The following CLASRP variants were observed in gnomAD, a reference collection of about 807,000 sequenced individuals.
The protein encoded by CLASRP is CLK4-associating serine/arginine rich protein.
Under a neutral mutation model 99.9 loss-of-function variants are expected in CLASRP, and 52 were observed. The observed-to-expected ratio is 0.52, with a 90% CI of 0.42 to 0.66. The LOEUF (loss-of-function observed/expected upper bound fraction) is 0.66, where lower values mean the gene tolerates loss of function less well. Ranked by LOEUF, CLASRP falls within the 30% of genes least tolerant of loss-of-function variation. The pLI is 0.00. For missense variants in CLASRP, 848 were observed against 999.2 expected, an observed-to-expected ratio of 0.85 and a Z score of 2.04; for synonymous variants, 379 against 373.0, an observed-to-expected ratio of 1.02 and a Z score of -0.18.
chr19:45,060,242 G>A lies in CLASRP; in HGVS notation c.711-147G>A, dbSNP rs1443642305. 1 of 681,214 alleles carries A rather than the reference G, an allele frequency of 1.5e-6. No homozygotes were observed. The highest frequency in any genetic ancestry group is 2.7e-6 in the Non-Finnish European group (1 of 376,780). The allele number at this position is 681,214 out of a possible 1,614,324, so 42.2% of individuals were successfully genotyped here. A position where few individuals can be genotyped will look rare whatever the true frequency, so the allele number is the denominator to read the frequency against. ...TAAGATAGCACCTGGCACACAGAGG[G>A]TGCTTGATAAGTGGCATTGAATGAA... On this transcript the variant is annotated intron_variant, in intron 8 of 20. Coordinates refer to ENST00000221455, the MANE Select transcript of CLASRP (RefSeq NM_007056.3). The surrounding 1 kb of genome is among the most constrained non-coding windows in gnomAD (Gnocchi z 4.6).
At chr19:45,054,099 T>C (rs1972077192) in intron 5 of CLASRP, among the ~76,000 whole-genome samples, 2 of 152,266 alleles carry the variant, frequency 1.3e-5, no homozygotes, top group African/African-American at 4.8e-5. Context: ...ATTGTCATTT[T>C]CCAAATGAGG....
chr19:45,062,190 T>C lies in CLASRP; in HGVS notation c.900T>C (p.Tyr300=), dbSNP rs1201208404. 2 of 1,524,482 alleles carry C rather than the reference T, an allele frequency of 1.3e-6. No individual in the cohort carries two copies. The highest frequency in any genetic ancestry group is 1.8e-6 in the Non-Finnish European group (2 of 1,098,506). The allele number at this position is 1,524,482 out of a possible 1,614,324, so 94.4% of individuals were successfully genotyped here. Residue 300 remains tyrosine, a synonymous_variant, in exon 11 of 21, where the codon TAT becomes TAC. Transcript: ENST00000221455. ...ARRDSPTYDP[Y]KRSPSESSSE... is the part of the protein sequence containing the mutation. ...GAGACAGCCCCACCTATGACCCCTA[T>C]AAGCGGTAAGTTGCTCTGGAGGACC...
rs556629551 is a variant in CLASRP at position 45,042,352 on chromosome 19, A to C, written c.99+2041A>C. Among the ~76,000 whole-genome samples the C allele has an allele frequency of 1.4e-4, 22 of 152,204 alleles. 1 individual carries two copies. The highest frequency in any genetic ancestry group is 3.4e-3 in the Middle Eastern group (1 of 294). Reference sequence around the variant, plus strand: ...ACTGGAGGAGCCAGGACTGGAGGCCAGCAGACCAGGGAAGAGGCTGGGGCA... The same window carrying C: ...ACTGGAGGAGCCAGGACTGGAGGCCCGCAGACCAGGGAAGAGGCTGGGGCA... On this transcript the variant is annotated intron_variant, in intron 2 of 20. Transcript: ENST00000221455.
At chr19:45,066,025 G>A (rs1456297734) in intron 13 of CLASRP, among the ~76,000 whole-genome samples, 1 of 152,180 alleles carries the variant, frequency 6.6e-6, no homozygotes, top group Non-Finnish European at 1.5e-5. Context: ...CCTCCAGTCG[G>A]GGCGTTGACC....
At position 45,060,335 on chromosome 19, in the gene CLASRP, C is replaced by T; in HGVS notation, c.711-54C>T. The T allele has an allele frequency of 2.6e-6, 4 of 1,527,664 alleles. No individual in the cohort carries two copies. In the South Asian group the frequency reaches 3.4e-5, roughly 13 times the overall value. The allele number at this position is 1,527,664 out of a possible 1,614,324, so 94.6% of individuals were successfully genotyped here. On this transcript the variant is annotated intron_variant, in intron 8 of 20. Coordinates refer to ENST00000221455, the MANE Select transcript of CLASRP (RefSeq NM_007056.3). The surrounding 1 kb of genome is among the most constrained non-coding windows in gnomAD (Gnocchi z 4.6). ...TCTCTGATGACTCAGTCTGTGTCCT[C>T]CTTACCCTGTGGCCTGCCCCATCCT...
chr19:45,061,202 A>G (rs1415539286), intron 10 of CLASRP, among the ~76,000 whole-genome samples: 1 of 152,180 alleles, frequency 6.6e-6, no homozygotes, highest in Non-Finnish European at 1.5e-5. Context: ...CATCTCTTAA[A>G]GGAGAGTGAC....
intron 2 of CLASRP, among the ~76,000 whole-genome samples, chr19:45,050,156 T>C (rs2122548800): frequency 8.1e-6 from 1 of 123,152 alleles, no homozygotes; most frequent in East Asian, 2.5e-4. Flanking sequence ...AGGGAAGAAA[T>C]CAGAGAGGGA....
chr19:45,062,822 T>G (rs7259567), intron 11 of CLASRP, among the ~76,000 whole-genome samples: 71,166 of 152,006 alleles, frequency 0.47, 16,990 homozygotes, highest in Non-Finnish European at 0.52. Context: ...TTTCCAGAAG[T>G]GGCCAGTGGG....
At chr19:45,042,132 A>G (rs1459581178) in intron 2 of CLASRP, among the ~76,000 whole-genome samples, 2 of 152,212 alleles carry the variant, frequency 1.3e-5, no homozygotes, top group Non-Finnish European at 2.9e-5. Flanking sequence ...ACCTCAGGTC[A>G]AGAGTTTGAG....
intron 4 of CLASRP, 84 bp from the exon 5 acceptor site, chr19:45,053,014 G>A (rs1972054698): frequency 6.4e-7 from 1 of 1,560,750 alleles, no homozygotes; most frequent in Non-Finnish European, 8.8e-7. Context: ...TGAGCCTGAG[G>A]GGGATGCCTC....
chr19:45,047,430 A>C (rs1971941220), intron 2 of CLASRP: 1 of 151,504 alleles, frequency 6.6e-6, no homozygotes, highest in Admixed American at 6.6e-5. Context: ...AAAAAAAAAA[A>C]ACAGAGAGAG....
rs1967106508 is a variant in CLASRP at position 45,067,235 on chromosome 19, T to C, written c.1410-102T>C. 7 of 1,317,240 alleles carry C rather than the reference T, an allele frequency of 5.3e-6. No homozygotes were observed. The highest frequency in any genetic ancestry group is 5.8e-5 in the Admixed American group (2 of 34,764). 81.6% of individuals were successfully genotyped at this position (1,317,240 alleles called of 1,614,324 possible). A position where few individuals can be genotyped will look rare whatever the true frequency, so the allele number is the denominator to read the frequency against. ...GAGAGGAGAGTCGAGCCTGTCACCC[T>C]GGGCCTTGCAGGAAGGAGGACTGTG... On this transcript the variant is annotated intron_variant, in intron 13 of 20. Coordinates refer to ENST00000221455, the MANE Select transcript of CLASRP (RefSeq NM_007056.3). The surrounding 1 kb of genome is among the most constrained non-coding windows in gnomAD (Gnocchi z 4.9).
At position 45,040,066 on chromosome 19, in the gene CLASRP, T is replaced by A. The variant is rs1568409024; in HGVS notation, c.-29-118T>A. 6.8e-5 allele frequency: 40 copies of A among 585,594 alleles called. No individual in the cohort carries two copies. The East Asian group carries it at 1.2e-3, about 17-fold the overall frequency. 36.3% of individuals were successfully genotyped at this position (585,594 alleles called of 1,614,324 possible). ...GTTCTGCAGCTTCACTTCTGCTCCCTGAAGCTAAGAGATGTGTTGTTTGGG... is the reference window on the plus strand; with the variant it reads ...GTTCTGCAGCTTCACTTCTGCTCCCAGAAGCTAAGAGATGTGTTGTTTGGG... On this transcript the variant is annotated intron_variant, in intron 1 of 20. Transcript: ENST00000221455.
chr19:45,070,290 G>A (rs1453161317), intron 19 of CLASRP, among the ~76,000 whole-genome samples, 186 bp downstream of exon 19: 1 of 152,066 alleles, frequency 6.6e-6, no homozygotes, highest in Non-Finnish European at 1.5e-5. Flanking sequence ...GACCAACATG[G>A]TGACACACAT....
At position 45,059,729 on chromosome 19, in the gene CLASRP, G is replaced by A. The variant is rs1036454204; in HGVS notation, c.710+365G>A. Among the ~76,000 whole-genome samples, 7 of 152,184 alleles carry A rather than the reference G, an allele frequency of 4.6e-5. No homozygotes were observed. The East Asian group carries it at 1.3e-3, about 29-fold the overall frequency. Reference sequence around the variant, plus strand: ...ACCTCTACCCTGAGCCACACCCCCTGCTGAGCTCACAAGACCACACAGAAT... The same window carrying A: ...ACCTCTACCCTGAGCCACACCCCCTACTGAGCTCACAAGACCACACAGAAT... On this transcript the variant is annotated intron_variant, in intron 8 of 20. Coordinates refer to ENST00000221455, the MANE Select transcript of CLASRP (RefSeq NM_007056.3).
intron 2 of CLASRP, among the ~76,000 whole-genome samples, chr19:45,044,275 T>G (rs1971872650): frequency 1.3e-5 from 2 of 152,246 alleles, no homozygotes; most frequent in Admixed American, 1.3e-4. Flanking sequence ...AGGTAGGTAT[T>G]GATCATGCCT....
In CLASRP at chr19:45,056,472, C is replaced by T. The variant is rs2122567089; in HGVS notation, c.402C>T (p.Tyr134=). 1.2e-6 allele frequency: 2 copies of T among 1,614,018 alleles called. No homozygotes were observed. Among genetic ancestry groups the T allele is most frequent in the East Asian group, 4.5e-5 (2 of 44,864 alleles). Residue 134 remains tyrosine, a synonymous_variant, in exon 6 of 21, where the codon TAC becomes TAT. Transcript: ENST00000221455. ...FAGISEEQCL[Y]QIYIDELYGG... ...CAGTCTCAGAGGAGCAGTGCCTGTA[C>T]CAGATCTACATTGATGAGTTGTACG...
chr19:45,044,673 G>A (rs989790746), intron 2 of CLASRP, among the ~76,000 whole-genome samples: 1 of 152,172 alleles, frequency 6.6e-6, no homozygotes, highest in Non-Finnish European at 1.5e-5. Context: ...GGAGGCTGAG[G>A]CAAGATGAGA....
At chr19:45,047,645 G>A (rs1452318253) in intron 2 of CLASRP, 1 of 152,112 alleles carries the variant, frequency 6.6e-6, no homozygotes, top group Non-Finnish European at 1.5e-5. Flanking sequence ...GGGGGGAGGA[G>A]GAAAGGGGAA....
Sources: gnomAD v4.1 joint callset for allele counts (sites outside exome capture counted in the v4.1 genomes callset) on GRCh38, gnomAD v4.1.1 for gene constraint, Gnocchi (gnomAD v3.1) non-coding constraint, MANE v1.5 for transcripts, NCBI Gene and HGNC (gene_info 2026-07-23, HGNC 2026-07-21) for gene names.